Variants in ITPR2 observed in about 807,000 individuals in gnomAD.
ITPR2 encodes the protein inositol 1,4,5-trisphosphate-gated calcium channel ITPR2.
A neutral mutation model predicts 317.1 loss-of-function variants in ITPR2; 207 were observed. The ratio of observed to expected loss-of-function variants is 0.65; its 90% CI spans 0.58 to 0.73. ITPR2 has a LOEUF of 0.73. Among genes scored for constraint, ITPR2 ranks in the 30% least tolerant of loss-of-function variants. The pLI, the probability that ITPR2 is intolerant of heterozygous loss-of-function variation, is 0.00. For missense variants in ITPR2, 2,613 were observed against 3,284.0 expected (o/e 0.80, Z 4.99); for synonymous variants, 1,156 against 1,149.1 (o/e 1.01, Z -0.12).
chr12:26,795,124 T>TA (rs1950409591), intron 1 of ITPR2, among the ~76,000 whole-genome samples: 1 of 152,198 alleles, frequency 6.6e-6, no homozygotes, highest in African/African-American at 2.4e-5. Flanking sequence ...ATTTGCATAA[T>TA]GCCTTCCTGA....
At chr12:26,513,513 G>T (rs1943409899) in intron 37 of ITPR2, among the ~76,000 whole-genome samples, 1 of 151,872 alleles carries the variant, frequency 6.6e-6, no homozygotes, top group South Asian at 2.1e-4. Flanking sequence ...AGCTCCAGCT[G>T]TTACTCTTCC....
chr12:26,378,538 G>C (rs1393505702), intron 55 of ITPR2, among the ~76,000 whole-genome samples: 3 of 152,212 alleles, frequency 2.0e-5, no homozygotes, highest in African/African-American at 4.8e-5. Flanking sequence ...AAGCAGGGGT[G>C]CAGTGGTGTG....
At chr12:26,656,897 G>A (rs1345657369) in intron 18 of ITPR2, among the ~76,000 whole-genome samples, 2 of 152,088 alleles carry the variant, frequency 1.3e-5, no homozygotes, top group Non-Finnish European at 2.9e-5. Context: ...CTCCACCTTC[G>A]CCAGCCTCAC....
intron 55 of ITPR2, among the ~76,000 whole-genome samples, chr12:26,363,831 A>C (rs970891968): frequency 2.6e-5 from 4 of 152,218 alleles, no homozygotes; most frequent in African/African-American, 9.6e-5. Flanking sequence ...GCTTGAAGTT[A>C]GACCTAAAAT....
chr12:26,739,556 A>T (rs1364359868), intron 2 of ITPR2, among the ~76,000 whole-genome samples: 1 of 152,190 alleles, frequency 6.6e-6, no homozygotes, highest in Non-Finnish European at 1.5e-5. Flanking sequence ...GACACAAAAG[A>T]CTACACACCA....
intron 37 of ITPR2, among the ~76,000 whole-genome samples, chr12:26,534,195 T>A (rs899112118): frequency 1.3e-5 from 2 of 152,206 alleles, no homozygotes; most frequent in Admixed American, 1.3e-4. Context: ...TTTGTAATAT[T>A]CCCTTTTCTC....
rs750370389 is a variant in ITPR2, at chr12:26,666,071, A to C, written c.1410-20T>G. The C allele has an allele frequency of 1.7e-5, 27 of 1,602,444 alleles. No homozygotes were observed. Among genetic ancestry groups the C allele is most frequent in the Admixed American group, 1.2e-4 (7 of 58,038 alleles). On this transcript the variant is annotated intron_variant, in intron 13 of 56. Transcript: ENST00000381340. ...ACAAACCTATTACAAAATGAAAAGG[A>C]AATTTTACTTTACAGTGTGCTTAAT...
At chr12:26,368,985 A>C (rs1402927828) in intron 55 of ITPR2, among the ~76,000 whole-genome samples, 1 of 152,230 alleles carries the variant, frequency 6.6e-6, no homozygotes, top group African/African-American at 2.4e-5. Context: ...TGACCAGAGA[A>C]AGCCTCTCTG....
chr12:26,797,835 G>T (rs186196303), intron 1 of ITPR2, among the ~76,000 whole-genome samples: 324 of 151,632 alleles, frequency 2.1e-3, no homozygotes, highest in Middle Eastern at 3.4e-3. Context: ...GGGATTACAG[G>T]TGCACACTAC....
At chr12:26,379,200 T>A (rs566030665) in intron 55 of ITPR2, among the ~76,000 whole-genome samples, 103 of 152,324 alleles carry the variant, frequency 6.8e-4, no homozygotes, top group Non-Finnish European at 1.2e-3. Context: ...TCCTCATGTG[T>A]ACAATGGGGA....
intron 55 of ITPR2, among the ~76,000 whole-genome samples, chr12:26,356,681 A>C (rs906318078): frequency 2.0e-5 from 3 of 152,132 alleles, no homozygotes; most frequent in Admixed American, 1.3e-4. Flanking sequence ...AACTGAGGCT[A>C]TTTAGGTTAT....
At chr12:26,403,242 T>C (rs61914383) in intron 52 of ITPR2, among the ~76,000 whole-genome samples, 9,364 of 152,022 alleles carry the variant, frequency 0.062, 404 homozygotes, top group South Asian at 0.1. Flanking sequence ...GATTTAGACT[T>C]TGGTAAACAC....
chr12:26,742,696 C>T (rs1949252359), intron 2 of ITPR2, among the ~76,000 whole-genome samples: 1 of 152,016 alleles, frequency 6.6e-6, no homozygotes, highest in African/African-American at 2.4e-5. Flanking sequence ...TGCCTGTAAT[C>T]CCAGCTACTC....
At chr12:26,674,531 A>G (rs1402291784) in intron 13 of ITPR2, among the ~76,000 whole-genome samples, 2 of 152,242 alleles carry the variant, frequency 1.3e-5, no homozygotes, top group African/African-American at 2.4e-5. Context: ...CTTACACCTT[A>G]TATAAAAATC....
intron 55 of ITPR2, among the ~76,000 whole-genome samples, chr12:26,374,051 T>C (rs1183816033): frequency 6.6e-6 from 1 of 152,234 alleles, no homozygotes. Context: ...TCTGTCCTCA[T>C]GTCCTCTCTG....
intron 2 of ITPR2, among the ~76,000 whole-genome samples, chr12:26,741,830 C>G (rs1015537854): frequency 6.6e-6 from 1 of 152,194 alleles, no homozygotes; most frequent in Non-Finnish European, 1.5e-5. Flanking sequence ...TCATCTTAGG[C>G]TCTCAAGCCA....
intron 34 of ITPR2, among the ~76,000 whole-genome samples, chr12:26,568,015 T>TATATATATTATATATATTATATATA (rs1565609921): frequency 3.3e-4 from 28 of 84,936 alleles, no homozygotes; most frequent in Middle Eastern, 8.3e-3. Context: ...ATTATATATA[T>TATATATATTATATATATTATATATA]ATATATATAT....
intron 32 of ITPR2, among the ~76,000 whole-genome samples, chr12:26,581,898 T>C (rs984073730): frequency 6.6e-6 from 1 of 152,178 alleles, no homozygotes; most frequent in Non-Finnish European, 1.5e-5. Flanking sequence ...TTTCATGCAA[T>C]TGCGTGGGGC....
Position 26,495,210 on chromosome 12 carries a change from A to G in ITPR2, c.5124T>C (p.Tyr1708=), listed in dbSNP as rs1240842282. Reference sequence around the variant, plus strand: ...ATAGGTGTCCATTCACACCAATACTATAATCACCTTTAAAGTATCGATTCA... The same window carrying G: ...ATAGGTGTCCATTCACACCAATACTGTAATCACCTTTAAAGTATCGATTCA... ...ILLNRYFKGD[Y]SIGVNGHLSG... is the part of the protein sequence containing the mutation. The change falls in exon 38 of 57, where the codon TAT becomes TAC. Residue 1708 remains tyrosine, a synonymous_variant. Transcript: ENST00000381340. 6.2e-7 allele frequency: 1 copy of G among 1,609,062 alleles called. No individual in the cohort carries two copies. Among genetic ancestry groups the G allele is most frequent in the Admixed American group, 1.7e-5 (1 of 59,986 alleles).
Sources: allele counts gnomAD v4.1 joint callset (sites outside exome capture counted in the v4.1 genomes callset), GRCh38; gene constraint gnomAD v4.1.1; transcripts MANE v1.5; gene names NCBI Gene and HGNC (gene_info 2026-07-23, HGNC 2026-07-21).